TMEM117: variants seen among roughly 807,000 people sequenced by gnomAD.
The protein encoded by TMEM117 is transmembrane protein 117.
A neutral mutation model predicts 52.4 loss-of-function variants in TMEM117; 27 were observed. The ratio of observed to expected loss-of-function variants is 0.51; its 90% CI spans 0.38 to 0.71. The LOEUF (loss-of-function observed/expected upper bound fraction) is 0.71. Among genes scored for constraint, TMEM117 ranks in the 30% least tolerant of loss-of-function variants. The pLI, the probability that TMEM117 is intolerant of heterozygous loss-of-function variation, is 0.00. For missense variants in TMEM117, 556 were observed against 630.5 expected (o/e 0.88, Z 1.26); for synonymous variants, 215 against 206.3 (o/e 1.04, Z -0.36).
intron 4 of TMEM117, among the ~76,000 whole-genome samples, chr12:44,189,063 A>G (rs892627484): frequency 7.2e-5 from 11 of 152,156 alleles, no homozygotes; most frequent in Non-Finnish European, 1.3e-4. Context: ...TCTTTATGCT[A>G]GGAATATTTG....
At chr12:44,178,539 G>A (rs544322672) in intron 4 of TMEM117, among the ~76,000 whole-genome samples, 4 of 152,052 alleles carry the variant, frequency 2.6e-5, no homozygotes, top group South Asian at 4.2e-4. Context: ...CAGCATTCCC[G>A]CTAGGTGGGC....
intron 6 of TMEM117, among the ~76,000 whole-genome samples, chr12:44,332,595 T>C (rs1185694324): frequency 6.6e-6 from 1 of 151,988 alleles, no homozygotes; most frequent in African/African-American, 2.4e-5. Context: ...TAGAATTTCA[T>C]AGAATTAGGA....
intron 4 of TMEM117, among the ~76,000 whole-genome samples, chr12:44,146,677 T>A (rs1948646919): frequency 6.6e-6 from 1 of 152,212 alleles, no homozygotes; most frequent in African/African-American, 2.4e-5. Context: ...CATATGTGTA[T>A]ATTGATAACA....
chr12:43,885,899 A>G (rs571357830), intron 2 of TMEM117, among the ~76,000 whole-genome samples: 1 of 152,348 alleles, frequency 6.6e-6, no homozygotes, highest in African/African-American at 2.4e-5. Flanking sequence ...TACGGACAAG[A>G]GAATAAGCAT....
intron 3 of TMEM117, among the ~76,000 whole-genome samples, chr12:44,101,631 A>G (rs1045915713): frequency 6.6e-6 from 1 of 151,912 alleles, no homozygotes; most frequent in Admixed American, 6.6e-5. Context: ...CTTTCACTAG[A>G]TTACTTAAAA....
chr12:44,363,282 G>T (rs10748396), intron 6 of TMEM117, among the ~76,000 whole-genome samples: 65,121 of 151,952 alleles, frequency 0.43, 15,007 homozygotes, highest in East Asian at 0.9. Context: ...ATAGAACAAA[G>T]AAATATATGT....
At chr12:43,887,057 G>A (rs762874175) in intron 2 of TMEM117, among the ~76,000 whole-genome samples, 1 of 152,110 alleles carries the variant, frequency 6.6e-6, no homozygotes, top group African/African-American at 2.4e-5. Context: ...CCATGTTGGT[G>A]AGGCTGGTCT....
At chr12:43,835,142 C>T (rs575718466), upstream of TMEM117, among the ~76,000 whole-genome samples, 2 of 152,240 alleles carry the variant, frequency 1.3e-5, no homozygotes, top group Admixed American at 6.5e-5. Context: ...TTTTCAGCAA[C>T]CGGTAAACTG....
chr12:44,077,359 C>G (rs190980652), intron 3 of TMEM117, among the ~76,000 whole-genome samples: 1 of 152,274 alleles, frequency 6.6e-6, no homozygotes, highest in Admixed American at 6.5e-5. Flanking sequence ...ATATTAGATT[C>G]ATTTCAGTTT....
chr12:44,055,773 TA>T (rs1338458331), intron 3 of TMEM117, among the ~76,000 whole-genome samples: 4 of 152,216 alleles, frequency 2.6e-5, no homozygotes, highest in Non-Finnish European at 5.9e-5. Flanking sequence ...ACAGTCTCTT[TA>T]AGTAAAAATT....
intron 2 of TMEM117, among the ~76,000 whole-genome samples, chr12:43,876,179 C>A (rs190621535): frequency 2.6e-5 from 4 of 152,100 alleles, no homozygotes; most frequent in Non-Finnish European, 5.9e-5. Flanking sequence ...TTATTGTTCA[C>A]CTTGCATTTA....
At chr12:44,378,031 C>G (rs1462191800) in intron 7 of TMEM117, among the ~76,000 whole-genome samples, 1 of 152,186 alleles carries the variant, frequency 6.6e-6, no homozygotes, top group East Asian at 1.9e-4. Flanking sequence ...AGAGTCCCCA[C>G]TTAATCTCTG....
chr12:43,859,508 G>GA (rs63345660), intron 2 of TMEM117, among the ~76,000 whole-genome samples: 4 of 151,884 alleles, frequency 2.6e-5, no homozygotes, highest in East Asian at 3.9e-4. Context: ...CCTATTGTGG[G>GA]AAAAAAAACA....
chr12:44,349,799 A>G (rs1951537218), intron 6 of TMEM117, among the ~76,000 whole-genome samples: 1 of 152,054 alleles, frequency 6.6e-6, no homozygotes, highest in Non-Finnish European at 1.5e-5. Context: ...CGCATTTGCT[A>G]TGTTCCAAAC....
intron 2 of TMEM117, among the ~76,000 whole-genome samples, chr12:43,934,921 G>A (rs1466893475): frequency 6.6e-6 from 1 of 152,120 alleles, no homozygotes; most frequent in Non-Finnish European, 1.5e-5. Context: ...TGATACTCTG[G>A]TGTAGTTTGT....
chr12:44,024,815 CAT>C (rs909197304), intron 3 of TMEM117, among the ~76,000 whole-genome samples: 4 of 151,914 alleles, frequency 2.6e-5, no homozygotes, highest in African/African-American at 9.7e-5. Flanking sequence ...TATATACACA[CAT>C]ATATGTGTAT....
At chr12:44,058,578 A>G (rs1947092600) in intron 3 of TMEM117, among the ~76,000 whole-genome samples, 1 of 152,192 alleles carries the variant, frequency 6.6e-6, no homozygotes. Context: ...AAGGAGTAAA[A>G]GTTACCTTGG....
intron 5 of TMEM117, among the ~76,000 whole-genome samples, chr12:44,232,691 T>A (rs1206575663): frequency 6.6e-6 from 1 of 151,454 alleles, no homozygotes; most frequent in African/African-American, 2.4e-5. Flanking sequence ...TGTGAAGAAT[T>A]CACATTTTAA....
In TMEM117 at chr12:44,047,502, C is replaced by A. The variant is rs547850634; in HGVS notation, c.411-96023C>A. ...TAGCCCCCAAATCACCTACCTTCAT[C>A]CATATTCAAGACAAAGAGATTGTTT... On this transcript the variant is annotated intron_variant, in intron 3 of 7. Transcript: ENST00000266534. Among the ~76,000 whole-genome samples the A allele has an allele frequency of 2.3e-3, 353 of 152,232 alleles. 3 individuals are homozygous for A. Among genetic ancestry groups the A allele is most frequent in the African/African-American group, 8.1e-3 (335 of 41,556 alleles).
Sources: allele counts gnomAD v4.1 joint callset (sites outside exome capture counted in the v4.1 genomes callset), GRCh38; gene constraint gnomAD v4.1.1; transcripts MANE v1.5; gene names NCBI Gene and HGNC (gene_info 2026-07-23, HGNC 2026-07-21).